Variants in CABP4 observed in about 807,000 individuals in gnomAD.
CABP4 encodes calcium binding protein 4.
Under a neutral mutation model 30.7 loss-of-function variants are expected in CABP4, and 30 were observed. That is an observed-to-expected ratio of 0.98 (90% CI 0.73 to 1.33). The LOEUF (loss-of-function observed/expected upper bound fraction) is 1.33. CABP4 is among the 40% of genes most tolerant of loss of function. The pLI is 0.00. For missense variants in CABP4, 424 were observed against 395.5 expected (o/e 1.07, Z -0.61); for synonymous variants, 161 against 159.2 (o/e 1.01, Z -0.08).
rs774788112 is a variant in CABP4, at chr11:67,458,406, G to T, written c.687G>T (p.Ala229=). 9.3e-6 allele frequency: 15 copies of T among 1,613,350 alleles called. No homozygotes were observed. The East Asian group carries it at 3.3e-4, about 36-fold the overall frequency. The stretch of plus-strand genomic sequence containing the variant: ...ACAGGGATGGACGAATTACGGTGGC[G>T]GAGCTGCGGGAGGCGGTACCGGCTC... ...DRDRDGRITV[A]ELREAVPALL... is the part of the protein sequence containing the mutation. Residue 229 remains alanine (A), a synonymous_variant, in exon 5 of 6, where the codon GCG becomes GCT. Coordinates refer to ENST00000325656, the MANE Select transcript of CABP4 (RefSeq NM_145200.5).
chr11:67,458,505 C>CTTT lies in CABP4; in HGVS notation c.786_787insTTT (p.Thr262_Val263insPhe). The CTTT allele has an allele frequency of 1.2e-6, 2 of 1,614,034 alleles. No homozygotes were observed. The highest frequency in any genetic ancestry group is 1.1e-5 in the South Asian group (1 of 91,074). ...AAGTGGACCTCAATGGGGATGGCAC[C>CTTT]GTAGACTTTGACGGTGAGTCTCCTT... On this transcript the variant is annotated inframe_insertion, in exon 5 of 6. Transcript: ENST00000325656.
chr11:67,461,714 G>A lies in CABP4; in HGVS notation c.*3055G>A, dbSNP rs1221585424. 6.6e-6 allele frequency: 1 copy of A among 152,168 alleles called. No individual in the cohort carries two copies. Among genetic ancestry groups the A allele is most frequent in the African/African-American group, 2.4e-5 (1 of 41,430 alleles). The allele number at this position is 152,168 out of a possible 1,614,324, so 9.4% of individuals were successfully genotyped here. A position where few individuals can be genotyped will look rare whatever the true frequency, so the allele number is the denominator to read the frequency against. ...AAAGTCAAGTCAACAAATGAGTGTGGCTATATCAGAAATTTTAATAAATAA... is the reference window on the plus strand; with the variant it reads ...AAAGTCAAGTCAACAAATGAGTGTGACTATATCAGAAATTTTAATAAATAA... On this transcript the variant is annotated 3_prime_UTR_variant, in exon 6 of 6. Coordinates refer to ENST00000325656, the MANE Select transcript of CABP4 (RefSeq NM_145200.5).
chr11:67,460,141 T>C lies in CABP4; in HGVS notation c.*1482T>C, dbSNP rs1048928134. The stretch of plus-strand genomic sequence containing the variant: ...ATCAACATGCAGTAACAGGATAGTA[T>C]GAAGAGAGAACCGGAAGATTTAAAA... On this transcript the variant is annotated 3_prime_UTR_variant, in exon 6 of 6. Coordinates refer to ENST00000325656, the MANE Select transcript of CABP4 (RefSeq NM_145200.5). 1 of 152,082 alleles carries C rather than the reference T, an allele frequency of 6.6e-6. No individual in the cohort carries two copies. Among genetic ancestry groups the C allele is most frequent in the Admixed American group, 6.6e-5 (1 of 15,258 alleles). 9.4% of individuals were successfully genotyped at this position (152,082 alleles called of 1,614,324 possible).
rs267603137 is a variant in CABP4, at chr11:67,455,446, G to T, written c.23G>T (p.Gly8Val). Residue 8 changes from glycine (G) to valine (V), a missense_variant, in exon 1 of 6, where the codon GGG (glycine) becomes GTG (valine). Coordinates refer to ENST00000325656, the MANE Select transcript of CABP4 (RefSeq NM_145200.5). Reference protein sequence around the residue: MTTEQARGQQGPNLAIGR... With the variant: MTTEQARVQQGPNLAIGR... ...CCCATGACCACAGAGCAGGCAAGGG[G>T]GCAGCAGGGCCCAAATCTGGCCATT... 6.2e-7 allele frequency: 1 copy of T among 1,611,382 alleles called. No individual in the cohort carries two copies. The highest frequency in any genetic ancestry group is 8.5e-7 in the Non-Finnish European group (1 of 1,179,570).
upstream of CABP4, chr11:67,452,753 G>A (rs374006561): frequency 2.3e-5 from 35 of 1,502,586 alleles, no homozygotes; most frequent in South Asian, 3.9e-5. Context: ...TGCTGGACAC[G>A]GAGTGGGTGC....
At position 67,459,812 on chromosome 11, in the gene CABP4, G is replaced by A. The variant is rs1238615561; in HGVS notation, c.*1153G>A. The A allele has an allele frequency of 6.6e-6, 1 of 152,158 alleles. No individual in the cohort carries two copies. Among genetic ancestry groups the A allele is most frequent in the Non-Finnish European group, 1.5e-5 (1 of 68,046 alleles). 9.4% of individuals were successfully genotyped at this position (152,158 alleles called of 1,614,324 possible). A position where few individuals can be genotyped will look rare whatever the true frequency, so the allele number is the denominator to read the frequency against. ...CTAAAAATACAAAAATTAACTGGGCGAGGTAGCATGCACCTGTAATCTCAG... is the reference window on the plus strand; with the variant it reads ...CTAAAAATACAAAAATTAACTGGGCAAGGTAGCATGCACCTGTAATCTCAG... On this transcript the variant is annotated 3_prime_UTR_variant, in exon 6 of 6. Coordinates refer to ENST00000325656, the MANE Select transcript of CABP4 (RefSeq NM_145200.5).
In CABP4 at chr11:67,460,512, T is replaced by TACACAC. The variant is rs759157298; in HGVS notation, c.*1854_*1855insCACACA. On this transcript the variant is annotated 3_prime_UTR_variant, in exon 6 of 6. Coordinates refer to ENST00000325656, the MANE Select transcript of CABP4 (RefSeq NM_145200.5). ...TGTTAAAAAAATAAAGTATATTTTA[T>TACACAC]ATATACACACACACACACACACACA... is the stretch of plus-strand genomic sequence containing the variant. Among the ~76,000 whole-genome samples the TACACAC allele has an allele frequency of 1.3e-3, 133 of 105,914 alleles. No individual in the cohort carries two copies. The highest frequency in any genetic ancestry group is 4.0e-3 in the African/African-American group (71 of 17,626). 69.5% of individuals were successfully genotyped at this position (105,914 alleles called of 152,430 possible). A position where few individuals can be genotyped will look rare whatever the true frequency, so the allele number is the denominator to read the frequency against.
At position 67,460,533 on chromosome 11, in the gene CABP4, A is replaced by ACG. The variant is rs1408286004; in HGVS notation, c.*1875_*1876insGC. ...TTTATATATACACACACACACACAC[A>ACG]CACACACACAGCCATTGGAATGAAA... On this transcript the variant is annotated 3_prime_UTR_variant, in exon 6 of 6. Transcript: ENST00000325656. Among the ~76,000 whole-genome samples the ACG allele has an allele frequency of 6.6e-6, 1 of 151,674 alleles. No individual in the cohort carries two copies. Among genetic ancestry groups the ACG allele is most frequent in the Non-Finnish European group, 1.5e-5 (1 of 67,954 alleles).
chr11:67,458,461 C>T lies in CABP4; in HGVS notation c.742C>T (p.Leu248=), dbSNP rs1229393025. ...CGGGGAGCCGCTGGCGGGTCCTGAGCTGGACGAGATGCTCCGAGAAGTGGA... is the reference window on the plus strand; with the variant it reads ...CGGGGAGCCGCTGGCGGGTCCTGAGTTGGACGAGATGCTCCGAGAAGTGGA... The part of the protein sequence containing the change: ...LLGEPLAGPE[L]DEMLREVDLN... The change falls in exon 5 of 6, where the codon CTG becomes TTG. Residue 248 remains leucine (L), a synonymous_variant. Coordinates refer to ENST00000325656, the MANE Select transcript of CABP4 (RefSeq NM_145200.5). 2 of 1,613,944 alleles carry T rather than the reference C, an allele frequency of 1.2e-6. No individual in the cohort carries two copies. Among genetic ancestry groups the T allele is most frequent in the East Asian group, 2.2e-5 (1 of 44,872 alleles).
Position 67,458,921 on chromosome 11 carries a change from C to A in CABP4, c.*262C>A. 1 of 565,564 alleles carries A rather than the reference C, an allele frequency of 1.8e-6. No individual in the cohort carries two copies. The highest frequency in any genetic ancestry group is 3.2e-6 in the Non-Finnish European group (1 of 313,662). 35.0% of individuals were successfully genotyped at this position (565,564 alleles called of 1,614,324 possible). A position where few individuals can be genotyped will look rare whatever the true frequency, so the allele number is the denominator to read the frequency against. On this transcript the variant is annotated 3_prime_UTR_variant, in exon 6 of 6. Coordinates refer to ENST00000325656, the MANE Select transcript of CABP4 (RefSeq NM_145200.5). The stretch of plus-strand genomic sequence containing the variant: ...TCCTCAGTGTGAGCAAGATTTGGGT[C>A]TCTCCAGACCTCTGGGAGGTAGGGA...
At chr11:67,452,533 C>T (rs1790756), upstream of CABP4, 36,359 of 1,606,240 alleles carry the variant, frequency 0.023, 6,612 homozygotes, top group African/African-American at 0.41. Flanking sequence ...GCGCCAGACG[C>T]GTGCCAGCTC....
chr11:67,454,050 C>T (rs539704356), upstream of CABP4, among the ~76,000 whole-genome samples: 94 of 152,282 alleles, frequency 6.2e-4, no homozygotes, highest in African/African-American at 2.2e-3. Flanking sequence ...CACCCCACCG[C>T]GGCCCTCTCC....
chr11:67,452,412 G>C, upstream of CABP4: 1 of 1,612,754 alleles, frequency 6.2e-7, no homozygotes, highest in Non-Finnish European at 8.5e-7. Context: ...TAGTAGAAGC[G>C]GCAGGCAGCT....
In CABP4 at chr11:67,456,445, C is replaced by A; in HGVS notation, c.541+3C>A. 1 of 1,610,038 alleles carries A rather than the reference C, an allele frequency of 6.2e-7. No individual in the cohort carries two copies. Among genetic ancestry groups the A allele is most frequent in the Non-Finnish European group, 8.5e-7 (1 of 1,179,960 alleles). On this transcript the variant is annotated splice_donor_region_variant and intron_variant, in intron 3 of 5. Coordinates refer to ENST00000325656, the MANE Select transcript of CABP4 (RefSeq NM_145200.5). Reference sequence around the variant, plus strand: ...CTCGCAGCACATCAAGATGCGCAGTCAGTCAGGGAGCCCGCCCGCCCGGGC... The same window carrying A: ...CTCGCAGCACATCAAGATGCGCAGTAAGTCAGGGAGCCCGCCCGCCCGGGC...
chr11:67,455,175 C>T (rs528897595), upstream of CABP4, among the ~76,000 whole-genome samples: 29 of 152,322 alleles, frequency 1.9e-4, no homozygotes, highest in South Asian at 5.4e-3. Context: ...TGGCAGCCAC[C>T]ACGTCCTGGT....
Position 67,459,888 on chromosome 11 carries a change from G to T in CABP4, c.*1229G>T, listed in dbSNP as rs994738513. On this transcript the variant is annotated 3_prime_UTR_variant, in exon 6 of 6. Coordinates refer to ENST00000325656, the MANE Select transcript of CABP4 (RefSeq NM_145200.5). ...TCGCTTGAGCCCGGGAGGTGGAGCT[G>T]CAGTGAGCTGAGATCACACCATTGC... is the stretch of plus-strand genomic sequence containing the variant. The T allele has an allele frequency of 6.6e-6, 1 of 152,184 alleles. No homozygotes were observed. The highest frequency in any genetic ancestry group is 1.5e-5 in the Non-Finnish European group (1 of 68,040). 9.4% of individuals were successfully genotyped at this position (152,184 alleles called of 1,614,324 possible). A position where few individuals can be genotyped will look rare whatever the true frequency, so the allele number is the denominator to read the frequency against.
Position 67,459,081 on chromosome 11 carries a change from C to T in CABP4, c.*422C>T, listed in dbSNP as rs1226929496. The stretch of plus-strand genomic sequence containing the variant: ...TGAACTTGAGCCGGGTGCAGTGGCT[C>T]ACACCTGTAAGCCCAGCTGTCAGGG... On this transcript the variant is annotated 3_prime_UTR_variant, in exon 6 of 6. Transcript: ENST00000325656. The T allele has an allele frequency of 4.2e-6, 1 of 237,840 alleles. No individual in the cohort carries two copies. The highest frequency in any genetic ancestry group is 8.4e-6 in the Non-Finnish European group (1 of 119,196). The allele number at this position is 237,840 out of a possible 1,614,324, so 14.7% of individuals were successfully genotyped here. A position where few individuals can be genotyped will look rare whatever the true frequency, so the allele number is the denominator to read the frequency against.
chr11:67,454,164 T>C (rs1047529678), upstream of CABP4, among the ~76,000 whole-genome samples: 7 of 151,700 alleles, frequency 4.6e-5, no homozygotes, highest in Admixed American at 2.0e-4. Flanking sequence ...ATGGTGAGGG[T>C]GAGGGGAGTT....
rs984831382 is a variant in CABP4 at position 67,455,760 on chromosome 11, G to A, written c.337G>A (p.Gly113Arg). Residue 113 changes from glycine to arginine, a missense_variant, in exon 1 of 6, where the codon GGG becomes AGG. Physicochemically the swap from Gly to Arg is moderately radical, Grantham distance 125. Transcript: ENST00000325656. ...GCACGACGCTGCTCAGAGGACATAC[G>A]GGCCCCTGCTCAATCGAGTCTTCGG... ...SLHDAAQRTY[G>R]PLLNRVFGKD... is the part of the protein sequence containing the mutation. The A allele has an allele frequency of 9.4e-6, 15 of 1,590,208 alleles. No homozygotes were observed. The highest frequency in any genetic ancestry group is 7.1e-5 in the Admixed American group (4 of 56,214).
Sources: gnomAD v4.1 joint callset for allele counts (sites outside exome capture counted in the v4.1 genomes callset) on GRCh38, gnomAD v4.1.1 for gene constraint, MANE v1.5 for transcripts, NCBI Gene and HGNC (gene_info 2026-07-23, HGNC 2026-07-21) for gene names.